Variants in ZSCAN31 observed in about 807,000 individuals in gnomAD.
ZSCAN31 encodes zinc finger and SCAN domain-containing protein 31.
In ZSCAN31, 14 loss-of-function variants were observed where a neutral mutation model predicts 22.5. The ratio of observed to expected loss-of-function variants is 0.62; its 90% CI spans 0.41 to 0.97. The LOEUF is 0.97. ZSCAN31 is among the 50% of genes least tolerant of loss of function. The pLI, the probability that ZSCAN31 is intolerant of heterozygous loss-of-function variation, is 0.00. For missense variants in ZSCAN31, 424 were observed against 483.4 expected (o/e 0.88, Z 1.15); for synonymous variants, 168 against 169.8 (o/e 0.99, Z 0.08).
chr6:28,329,279 A>G (rs1763553488), intron 2 of ZSCAN31, 24 bp downstream of exon 2: 7 of 1,544,602 alleles, frequency 4.5e-6, no homozygotes, highest in Middle Eastern at 1.8e-4. Flanking sequence ...TTTAATGTCT[A>G]GAAGTCCATC....
At chr6:28,341,525 C>T (rs1289313718) in intron 3 of ZSCAN31, among the ~76,000 whole-genome samples, 1 of 152,186 alleles carries the variant, frequency 6.6e-6, no homozygotes, top group Non-Finnish European at 1.5e-5. Flanking sequence ...CCTTTTAATG[C>T]CATCACCTTA....
chr6:28,338,853 T>G (rs1764301093), upstream of ZSCAN31, among the ~76,000 whole-genome samples: 1 of 152,198 alleles, frequency 6.6e-6, no homozygotes, highest in Non-Finnish European at 1.5e-5. Flanking sequence ...GATCAAAAGC[T>G]TTTTAAAATT....
chr6:28,337,395 G>T (rs1764229847), upstream of ZSCAN31, among the ~76,000 whole-genome samples: 1 of 152,166 alleles, frequency 6.6e-6, no homozygotes, highest in African/African-American at 2.4e-5. Context: ...AGCCATGTGG[G>T]GATGGACTGT....
chr6:28,355,077 A>G (rs1765334350), upstream of ZSCAN31, among the ~76,000 whole-genome samples: 1 of 152,170 alleles, frequency 6.6e-6, no homozygotes, highest in African/African-American at 2.4e-5. Context: ...TCTGTGTACC[A>G]TGCCCCATTG....
rs573817722 is a variant in ZSCAN31, at chr6:28,347,759, G to C, written c.-370-5967C>G. 1.2e-4 allele frequency among the ~76,000 whole-genome samples: 17 copies of C among 139,244 alleles called. No individual in the cohort carries two copies. Among genetic ancestry groups the C allele is most frequent in the East Asian group, 7.9e-4 (4 of 5,086 alleles). The allele number at this position is 139,244 out of a possible 152,430, so 91.3% of individuals were successfully genotyped here. On this transcript the variant is annotated intron_variant, in intron 2 of 7. Transcript: ENST00000396838. The surrounding 1 kb of genome is among the most constrained non-coding windows in gnomAD (Gnocchi z 5.2). ...CCTACAGGGTAAGTACTTTGAAGCT[G>C]CTGGGCCAATGTGTGTATCATTTTC...
At chr6:28,345,463 C>A (rs1047819104) in intron 2 of ZSCAN31, among the ~76,000 whole-genome samples, 2 of 152,140 alleles carry the variant, frequency 1.3e-5, no homozygotes, top group Non-Finnish European at 2.9e-5. Flanking sequence ...GGTCCCTCCC[C>A]GCTCAGTGGT....
rs180848041 is a variant in ZSCAN31, at chr6:28,327,550, A to G, written c.382-17T>C. 2,259 of 1,610,198 alleles carry G rather than the reference A, an allele frequency of 1.4e-3. 11 individuals are homozygous for G. Among genetic ancestry groups the G allele is most frequent in the Admixed American group, 4.1e-3 (248 of 59,994 alleles). ...GTCTGGAGCCTGAAGGCAGGTAGGC[A>G]TATTTGGTTAAAGAGGGGGATTATA... On this transcript the variant is annotated splice_polypyrimidine_tract_variant and intron_variant, in intron 2 of 3. Transcript: ENST00000344279.
rs746974938 is a variant in ZSCAN31 at position 28,327,548 on chromosome 6, G to A, written c.382-15C>T. On this transcript the variant is annotated splice_polypyrimidine_tract_variant and intron_variant, in intron 2 of 3. Coordinates refer to ENST00000344279, the MANE Select transcript of ZSCAN31 (RefSeq NM_030899.5). ...TGGTCTGGAGCCTGAAGGCAGGTAG[G>A]CATATTTGGTTAAAGAGGGGGATTA... 2.5e-5 allele frequency: 40 copies of A among 1,610,300 alleles called. No homozygotes were observed. Among genetic ancestry groups the A allele is most frequent in the Non-Finnish European group, 3.1e-5 (37 of 1,179,848 alleles).
chr6:28,354,270 G>T (rs1490843415), upstream of ZSCAN31: 1 of 268,524 alleles, frequency 3.7e-6, no homozygotes, highest in African/African-American at 2.2e-5. Context: ...AGCCAAGTAT[G>T]AGCTTACACA....
At chr6:28,335,721 C>A (rs1764110608) in intron 1 of ZSCAN31, 1 of 152,242 alleles carries the variant, frequency 6.6e-6, no homozygotes, top group Non-Finnish European at 1.5e-5. Context: ...CTTTCCAGTC[C>A]ATAAAAACCC....
intron 1 of ZSCAN31, among the ~76,000 whole-genome samples, chr6:28,334,233 C>G (rs1763971399): frequency 6.6e-6 from 1 of 152,042 alleles, no homozygotes; most frequent in East Asian, 1.9e-4. Context: ...AGGTATACCC[C>G]TGGAGGAAGT....
At chr6:28,334,106 C>T (rs147480595) in intron 1 of ZSCAN31, among the ~76,000 whole-genome samples, 2 of 152,280 alleles carry the variant, frequency 1.3e-5, no homozygotes, top group African/African-American at 2.4e-5. Flanking sequence ...AGTTCAGTCA[C>T]TGGACAATCA....
chr6:28,339,474 G>A (rs7757003), upstream of ZSCAN31, among the ~76,000 whole-genome samples: 46,510 of 151,648 alleles, frequency 0.31, 9,013 homozygotes, highest in African/African-American at 0.55. Context: ...TTTTAGTAGA[G>A]ACGGGGTTTC....
At chr6:28,334,399 C>T (rs1453197735) in intron 1 of ZSCAN31, among the ~76,000 whole-genome samples, 2 of 152,020 alleles carry the variant, frequency 1.3e-5, no homozygotes, top group East Asian at 1.9e-4. Flanking sequence ...TGTCCTTCAC[C>T]GAAATAAAAA....
chr6:28,343,381 G>A (rs1319801629), intron 2 of ZSCAN31, among the ~76,000 whole-genome samples: 2 of 151,868 alleles, frequency 1.3e-5, no homozygotes, highest in African/African-American at 4.8e-5. Flanking sequence ...AATGAAGGGT[G>A]GTAGACATGA....
rs185144942 is a variant in ZSCAN31, at chr6:28,351,909, C to T, written c.-371+1953G>A. Reference sequence around the variant, plus strand: ...ATATAATCATAGTATCATGATCACACGCAAAAAAATTGACAATAATTCCTT... The same window carrying T: ...ATATAATCATAGTATCATGATCACATGCAAAAAAATTGACAATAATTCCTT... On this transcript the variant is annotated intron_variant, in intron 2 of 7. Transcript: ENST00000396838. The surrounding 1 kb of genome is among the most constrained non-coding windows in gnomAD (Gnocchi z 4.6). Among the ~76,000 whole-genome samples the T allele has an allele frequency of 1.4e-4, 21 of 151,986 alleles. 1 individual carries two copies. In the East Asian group the frequency reaches 2.7e-3, roughly 20 times the overall value.
chr6:28,341,398 CTA>C (rs1325733184), intron 3 of ZSCAN31, among the ~76,000 whole-genome samples: 1 of 152,188 alleles, frequency 6.6e-6, no homozygotes, highest in Non-Finnish European at 1.5e-5. Context: ...ATGGTGCCTT[CTA>C]TGTGTCCTCT....
intron 2 of ZSCAN31, among the ~76,000 whole-genome samples, chr6:28,342,060 G>A (rs943276263): frequency 6.6e-6 from 1 of 152,204 alleles, no homozygotes; most frequent in Admixed American, 6.5e-5. Flanking sequence ...GGGTGATTAT[G>A]AATGTAAGGC....
At chr6:28,332,319 T>C (rs1284209506) in intron 1 of ZSCAN31, 8 of 152,248 alleles carry the variant, frequency 5.3e-5, no homozygotes. Context: ...ATGTTTTGTT[T>C]ACCTGATTTA....
Sources: gnomAD v4.1 joint callset for allele counts (sites outside exome capture counted in the v4.1 genomes callset) on GRCh38, gnomAD v4.1.1 for gene constraint, Gnocchi (gnomAD v3.1) non-coding constraint, MANE v1.5 for transcripts, NCBI Gene and HGNC (gene_info 2026-07-23, HGNC 2026-07-21) for gene names.